Variants in LRRC69 observed in about 807,000 individuals in gnomAD.
LRRC69 encodes leucine-rich repeat-containing protein 69.
In LRRC69, 42 loss-of-function variants were observed where a neutral mutation model predicts 37.8. The observed-to-expected ratio is 1.11, with a 90% CI of 0.87 to 1.44. The LOEUF (loss-of-function observed/expected upper bound fraction) is 1.44. Ranked by LOEUF, LRRC69 falls within the 40% of genes most tolerant of loss-of-function variation. The pLI is 0.00. For synonymous variants in LRRC69, 141 were observed against 143.1 expected (o/e 0.99, Z 0.11); for missense variants, 357 against 401.9 (o/e 0.89, Z 0.96).
downstream of LRRC69, chr8:91,219,142 G>A (rs941720712): frequency 1.9e-5 from 8 of 422,624 alleles, no homozygotes; most frequent in Non-Finnish European, 2.9e-5. Context: ...CCATTATAAC[G>A]TTCCCAATCT....
At chr8:91,155,917 C>CAT (rs1255991361) in intron 5 of LRRC69, among the ~76,000 whole-genome samples, 15 of 147,588 alleles carry the variant, frequency 1.0e-4, no homozygotes, top group South Asian at 2.1e-4. Context: ...ATATATACAA[C>CAT]ATATATATAT....
At chr8:91,115,369 G>A (rs970106883) in intron 1 of LRRC69, among the ~76,000 whole-genome samples, 2 of 152,058 alleles carry the variant, frequency 1.3e-5, no homozygotes, top group African/African-American at 2.4e-5. Context: ...GGACTAGGAA[G>A]GAACTGTGGC....
chr8:91,143,533 C>CTTAA (rs1327472524), intron 5 of LRRC69, among the ~76,000 whole-genome samples: 3 of 151,864 alleles, frequency 2.0e-5, no homozygotes, highest in African/African-American at 7.2e-5. Flanking sequence ...AGTTAAGAAT[C>CTTAA]TTAAGTATTT....
At chr8:91,166,748 G>T (rs868556705) in intron 5 of LRRC69, among the ~76,000 whole-genome samples, 1 of 151,770 alleles carries the variant, frequency 6.6e-6, no homozygotes, top group African/African-American at 2.4e-5. Context: ...TAGAGTGCAA[G>T]TTCCACTGAA....
At chr8:91,192,415 C>T (rs1395751256) in intron 6 of LRRC69, among the ~76,000 whole-genome samples, 4 of 151,792 alleles carry the variant, frequency 2.6e-5, no homozygotes, top group East Asian at 3.9e-4. Flanking sequence ...CCTGAGGAAT[C>T]GCCACACTGA....
chr8:91,104,078 T>C lies in LRRC69; in HGVS notation c.183+1234T>C, dbSNP rs190364495. ...TTGTCTATTTTTGGCATCATTTTTC[T>C]TCATCTTCTAGATACAGTTATATTA... is the stretch of plus-strand genomic sequence containing the variant. On this transcript the variant is annotated intron_variant, in intron 1 of 7. Transcript: ENST00000448384. Among the ~76,000 whole-genome samples the C allele has an allele frequency of 5.5e-4, 83 of 152,194 alleles. 1 individual carries two copies. The highest frequency in any genetic ancestry group is 6.2e-4 in the Non-Finnish European group (42 of 68,032).
intron 6 of LRRC69, among the ~76,000 whole-genome samples, chr8:91,191,661 G>GT (rs1809498069): frequency 6.6e-6 from 1 of 152,090 alleles, no homozygotes; most frequent in Non-Finnish European, 1.5e-5. Context: ...TGGAGACAGG[G>GT]TCATCCTGGG....
chr8:91,150,087 G>C (rs1243728967), intron 5 of LRRC69, among the ~76,000 whole-genome samples: 2 of 150,838 alleles, frequency 1.3e-5, no homozygotes, highest in South Asian at 2.1e-4. Flanking sequence ...TCCTTCTCCT[G>C]CCTGATTGCC....
chr8:91,191,840 T>C (rs550831373), intron 6 of LRRC69, among the ~76,000 whole-genome samples: 3 of 150,602 alleles, frequency 2.0e-5, no homozygotes, highest in South Asian at 4.2e-4. Context: ...CAAAAGTTAA[T>C]TTTTTTTTTC....
rs184349314 is a variant in LRRC69, at chr8:91,127,016, T to C, written c.311-72T>C. ...AAGAACCAGAAGGAAAACAAAGGTATGTAGAAAAGTAGAAAAGTGACTAAA... is the reference window on the plus strand; with the variant it reads ...AAGAACCAGAAGGAAAACAAAGGTACGTAGAAAAGTAGAAAAGTGACTAAA... On this transcript the variant is annotated intron_variant, in intron 2 of 7. Transcript: ENST00000448384. The C allele has an allele frequency of 3.1e-4, 358 of 1,155,142 alleles. 5 individuals are homozygous for C. Among genetic ancestry groups the C allele is most frequent in the South Asian group, 2.7e-3 (197 of 74,272 alleles). 71.6% of individuals were successfully genotyped at this position (1,155,142 alleles called of 1,614,324 possible). A position where few individuals can be genotyped will look rare whatever the true frequency, so the allele number is the denominator to read the frequency against.
rs1235982124 is a variant in LRRC69, at chr8:91,157,677, C to G, written c.651+21938C>G. 4.4e-6 allele frequency: 7 copies of G among 1,592,300 alleles called. No homozygotes were observed. In the East Asian group the frequency reaches 1.1e-4, roughly 25 times the overall value. On this transcript the variant is annotated intron_variant, in intron 5 of 7. Transcript: ENST00000448384. ...TTAATGTTGAATGCCTTACAGCTAGCTGATCATTACACAGGCGGCATGAAG... is the reference window on the plus strand; with the variant it reads ...TTAATGTTGAATGCCTTACAGCTAGGTGATCATTACACAGGCGGCATGAAG...
At chr8:91,179,399 G>A (rs1314801579) in intron 5 of LRRC69, among the ~76,000 whole-genome samples, 1 of 152,162 alleles carries the variant, frequency 6.6e-6, no homozygotes, top group Non-Finnish European at 1.5e-5. Flanking sequence ...TCACCATCAT[G>A]AGAACAGCAC....
At position 91,154,214 on chromosome 8, in the gene LRRC69, C is replaced by G. The variant is rs779951147; in HGVS notation, c.651+18475C>G. ...CCAATAACAAGTTCTGAAATTGAGG[C>G]AGGAATAAATAACCTACCAACCAAA... On this transcript the variant is annotated intron_variant, in intron 5 of 7. Coordinates refer to ENST00000448384, the Ensembl canonical transcript of LRRC69. Among the ~76,000 whole-genome samples the G allele has an allele frequency of 8.1e-4, 122 of 151,356 alleles. 1 individual carries two copies. The highest frequency in any genetic ancestry group is 2.9e-3 in the African/African-American group (119 of 41,348).
chr8:91,127,026 T>C (rs12544236), intron 2 of LRRC69, 62 bp from the exon 3 acceptor site: 681,808 of 1,297,582 alleles, frequency 0.53, 187,050 homozygotes, highest in South Asian at 0.62. Flanking sequence ...TGTAGAAAAG[T>C]AGAAAAGTGA....
At chr8:91,105,663 A>AG in intron 1 of LRRC69, among the ~76,000 whole-genome samples, 1 of 151,110 alleles carries the variant, frequency 6.6e-6, no homozygotes, top group South Asian at 2.1e-4. Context: ...CTGTCTCAAA[A>AG]AAAAAAAAAA....
chr8:91,197,581 A>G (rs954621890), intron 6 of LRRC69, among the ~76,000 whole-genome samples: 42 of 152,082 alleles, frequency 2.8e-4, no homozygotes, highest in African/African-American at 9.4e-4. Context: ...AAAGCGCAGT[A>G]TTAGGGTGGG....
intron 1 of LRRC69, among the ~76,000 whole-genome samples, chr8:91,123,193 A>T (rs897405183): frequency 1.3e-5 from 2 of 152,036 alleles, no homozygotes; most frequent in Non-Finnish European, 2.9e-5. Context: ...ACTGTTTCTG[A>T]TTTCTGATCT....
intron 2 of LRRC69, among the ~76,000 whole-genome samples, chr8:91,124,947 G>A (rs1813693038): frequency 6.6e-6 from 1 of 151,726 alleles, no homozygotes; most frequent in East Asian, 1.9e-4. Flanking sequence ...ATCAAGTAAA[G>A]CTATACTGTA....
chr8:91,126,713 G>C (rs2130505645), intron 2 of LRRC69, among the ~76,000 whole-genome samples: 1 of 152,124 alleles, frequency 6.6e-6, no homozygotes, highest in African/African-American at 2.4e-5. Flanking sequence ...AGAGAATGGA[G>C]GGAGGAAAGA....
Sources: allele counts gnomAD v4.1 joint callset (sites outside exome capture counted in the v4.1 genomes callset), GRCh38; gene constraint gnomAD v4.1.1; transcripts MANE v1.5; gene names NCBI Gene and HGNC (gene_info 2026-07-23, HGNC 2026-07-21).